Variants in STPG2 observed in about 807,000 individuals in gnomAD.
The protein encoded by STPG2 is sperm tail PG-rich repeat containing 2.
Under a neutral mutation model 54.2 loss-of-function variants are expected in STPG2, and 56 were observed. The ratio of observed to expected loss-of-function variants is 1.03; its 90% confidence interval spans 0.83 to 1.29. The LOEUF is 1.29. Ranked by LOEUF, STPG2 falls within the 50% of genes most tolerant of loss-of-function variation. The pLI, the probability that STPG2 is intolerant of heterozygous loss-of-function variation, is 0.00. For missense variants in STPG2, 596 were observed against 544.9 expected, an observed-to-expected ratio of 1.09 and a Z score of -0.93; for synonymous variants, 200 against 181.8, an observed-to-expected ratio of 1.10 and a Z score of -0.81.
At chr4:97,734,542 T>A (rs1008740740) in intron 9 of STPG2, among the ~76,000 whole-genome samples, 8 of 152,302 alleles carry the variant, frequency 5.3e-5, no homozygotes, top group African/African-American at 1.7e-4. Context: ...GACCATATGA[T>A]TCTGTTGAGA....
At chr4:97,862,686 G>T (rs752137299) in intron 8 of STPG2, among the ~76,000 whole-genome samples, 1 of 151,886 alleles carries the variant, frequency 6.6e-6, no homozygotes, top group Non-Finnish European at 1.5e-5. Flanking sequence ...AATTCACCAC[G>T]GAGTTGGAAG....
intron 9 of STPG2, among the ~76,000 whole-genome samples, chr4:97,787,387 C>A (rs187376978): frequency 6.6e-6 from 1 of 152,004 alleles, no homozygotes; most frequent in African/African-American, 2.4e-5. Flanking sequence ...CTATGCTCAT[C>A]GGTTTTTATT....
At chr4:97,802,211 T>A (rs2149090740) in intron 9 of STPG2, among the ~76,000 whole-genome samples, 1 of 152,300 alleles carries the variant, frequency 6.6e-6, no homozygotes, top group South Asian at 2.1e-4. Flanking sequence ...AAAACCACTA[T>A]CCTTTAGGAG....
At chr4:97,803,836 T>C (rs1560535249) in intron 9 of STPG2, among the ~76,000 whole-genome samples, 1 of 152,186 alleles carries the variant, frequency 6.6e-6, no homozygotes, top group Admixed American at 6.5e-5. Context: ...CCACCACGCC[T>C]GGCCAGAACA....
intron 4 of STPG2, among the ~76,000 whole-genome samples, chr4:97,523,730 A>G (rs1731226859): frequency 6.6e-6 from 1 of 151,996 alleles, no homozygotes; most frequent in Non-Finnish European, 1.5e-5. Context: ...GTCCCCTGTA[A>G]GCTGAAATAA....
chr4:98,103,644 A>AAAAATAAAATAAAAT lies in STPG2; in HGVS notation c.612+2294_612+2308dup, dbSNP rs138971893. ...CAAGAAAAGCAAAACTCCATCTCAAAAAAATAAAATAAAATAAAATAAAAT... is the reference window on the plus strand; with the variant it reads ...CAAGAAAAGCAAAACTCCATCTCAAAAAAATAAAATAAAATAAAATAAAATAAAATAAAATAAAAT... On this transcript the variant is annotated intron_variant, in intron 5 of 10. Coordinates refer to ENST00000295268, the MANE Select transcript of STPG2 (RefSeq NM_174952.3). Among the ~76,000 whole-genome samples the AAAAATAAAATAAAAT allele has an allele frequency of 4.8e-3, 718 of 149,088 alleles. 3 individuals carry two copies. The highest frequency in any genetic ancestry group is 0.019 in the South Asian group (91 of 4,710).
At chr4:98,025,376 G>C (rs931740752) in intron 5 of STPG2, 8 of 335,586 alleles carry the variant, frequency 2.4e-5, no homozygotes, top group African/African-American at 1.7e-4. Context: ...GGGCCTGCAG[G>C]CCTTTGTTCC....
At chr4:97,807,135 A>T (rs1051374890) in intron 9 of STPG2, among the ~76,000 whole-genome samples, 1 of 151,242 alleles carries the variant, frequency 6.6e-6, no homozygotes, top group African/African-American at 2.4e-5. Flanking sequence ...CATTGATGTA[A>T]TATTGGAATA....
At chr4:97,510,102 C>T (rs1014844475) in intron 4 of STPG2, among the ~76,000 whole-genome samples, 35 of 151,970 alleles carry the variant, frequency 2.3e-4, no homozygotes, top group Non-Finnish European at 5.9e-5. Context: ...GCGAAGTCTA[C>T]ATGTAAATGA....
chr4:98,011,803 G>C (rs1735760738), intron 5 of STPG2, among the ~76,000 whole-genome samples: 1 of 152,086 alleles, frequency 6.6e-6, no homozygotes, highest in Non-Finnish European at 1.5e-5. Context: ...TTTTTGATGG[G>C]ATTGTTTGTT....
At chr4:97,897,573 T>A (rs1360040578) in intron 8 of STPG2, among the ~76,000 whole-genome samples, 1 of 152,150 alleles carries the variant, frequency 6.6e-6, no homozygotes, top group Non-Finnish European at 1.5e-5. Context: ...CATCTGTTAT[T>A]TTTTGACTTT....
At chr4:97,722,662 G>A (rs1332656176) in intron 9 of STPG2, among the ~76,000 whole-genome samples, 3 of 151,854 alleles carry the variant, frequency 2.0e-5, no homozygotes, top group Admixed American at 2.0e-4. Flanking sequence ...AATTTCTATT[G>A]AAAATAATAA....
rs534688411 is a variant in STPG2, at chr4:97,678,037, G to T, written c.1320+34662C>A. Among the ~76,000 whole-genome samples, 4 of 151,456 alleles carry T rather than the reference G, an allele frequency of 2.6e-5. 1 individual carries two copies. Among genetic ancestry groups the T allele is most frequent in the African/African-American group, 9.7e-5 (4 of 41,172 alleles). On this transcript the variant is annotated intron_variant, in intron 10 of 10. Coordinates refer to ENST00000295268, the MANE Select transcript of STPG2 (RefSeq NM_174952.3). ...CTTTGGGGAAAAAAGCCATATAATT[G>T]TTTCTTTAAATGTTTTGTAGATGTT...
intron 7 of STPG2, among the ~76,000 whole-genome samples, chr4:97,951,707 A>G (rs1463512032): frequency 6.6e-6 from 1 of 152,128 alleles, no homozygotes; most frequent in Admixed American, 6.6e-5. Flanking sequence ...TTGGAATAGC[A>G]GAGGTCTCTT....
intron 3 of STPG2, among the ~76,000 whole-genome samples, chr4:98,112,722 T>C (rs1385603294): frequency 6.6e-6 from 1 of 152,096 alleles, no homozygotes. Context: ...GTAGAGAATA[T>C]TGGAGCTGAG....
Position 97,993,562 on chromosome 4 carries a change from T to C in STPG2, c.613-12244A>G, listed in dbSNP as rs569051141. Among the ~76,000 whole-genome samples the C allele has an allele frequency of 5.9e-5, 9 of 151,858 alleles. No homozygotes were observed. The South Asian group carries it at 1.2e-3, about 21-fold the overall frequency. Reference sequence around the variant, plus strand: ...TCTTTTCTATTTTTTTTTTTTGTTATGTCCTTTCCTGGTTTTAGCATTAGG... The same window carrying C: ...TCTTTTCTATTTTTTTTTTTTGTTACGTCCTTTCCTGGTTTTAGCATTAGG... On this transcript the variant is annotated intron_variant, in intron 5 of 10. Transcript: ENST00000295268.
At chr4:98,070,742 A>G (rs1021203276) in intron 5 of STPG2, among the ~76,000 whole-genome samples, 2 of 152,088 alleles carry the variant, frequency 1.3e-5, no homozygotes, top group Non-Finnish European at 2.9e-5. Flanking sequence ...GAGCCAAATC[A>G]TGATTGAACT....
chr4:97,623,240 TG>T (rs1560690195), intron 10 of STPG2, among the ~76,000 whole-genome samples: 3 of 151,594 alleles, frequency 2.0e-5, no homozygotes, highest in African/African-American at 4.8e-5. Flanking sequence ...AAAACAATTG[TG>T]ACAAAAATAA....
chr4:97,915,125 G>T (rs1472407051), intron 8 of STPG2, among the ~76,000 whole-genome samples: 1 of 152,024 alleles, frequency 6.6e-6, no homozygotes, highest in Non-Finnish European at 1.5e-5. Flanking sequence ...AGACTTACAG[G>T]TAATTTAAAT....
Sources: allele counts gnomAD v4.1 joint callset (sites outside exome capture counted in the v4.1 genomes callset), GRCh38; gene constraint gnomAD v4.1.1; transcripts MANE v1.5; gene names NCBI Gene and HGNC (gene_info 2026-07-23, HGNC 2026-07-21).